Variants in IKZF2 observed in about 807,000 individuals in gnomAD.
IKZF2 encodes zinc finger protein Helios.
In IKZF2, 15 loss-of-function variants were observed where a neutral mutation model predicts 49.2. The observed-to-expected ratio is 0.30, with a 90% confidence interval of 0.20 to 0.47. The LOEUF is 0.47. Ranked by LOEUF, IKZF2 falls within the 20% of genes least tolerant of loss-of-function variation. IKZF2 has a pLI of 1.00. For synonymous variants in IKZF2, 227 were observed against 221.4 expected (o/e 1.03, Z -0.23); for missense variants, 567 against 664.6 (o/e 0.85, Z 1.61).
intron 4 of IKZF2, among the ~76,000 whole-genome samples, chr2:213,086,480 G>A (rs1336250445): frequency 2.6e-5 from 4 of 152,196 alleles, no homozygotes; most frequent in African/African-American, 9.7e-5. Context: ...AATGTGTGTG[G>A]CTGAAGGGAA....
intron 8 of IKZF2, among the ~76,000 whole-genome samples, chr2:213,009,934 T>C (rs554644454): frequency 6.6e-6 from 1 of 152,226 alleles, no homozygotes; most frequent in African/African-American, 2.4e-5. Flanking sequence ...TCAATAAGGC[T>C]GAGAGTAGAA....
chr2:213,083,958 G>A (rs549598773), intron 4 of IKZF2, among the ~76,000 whole-genome samples: 6 of 152,058 alleles, frequency 3.9e-5, no homozygotes, highest in South Asian at 2.1e-4. Context: ...GAATCATCCC[G>A]AAACCATCCC....
chr2:213,150,677 G>C (rs1467916618), intron 1 of IKZF2, among the ~76,000 whole-genome samples: 1 of 112,514 alleles, frequency 8.9e-6, no homozygotes, highest in African/African-American at 3.5e-5. Context: ...TCGACCAAAA[G>C]CTAAGACAAG....
intron 2 of IKZF2, among the ~76,000 whole-genome samples, 198 bp downstream of exon 2, chr2:213,149,946 A>G (rs377329412): frequency 3.9e-5 from 6 of 152,320 alleles, no homozygotes; most frequent in African/African-American, 9.6e-5. Context: ...AAAGTTTAAA[A>G]GAGGAGCAGT....
At chr2:213,045,740 A>G (rs1202798184) in intron 6 of IKZF2, among the ~76,000 whole-genome samples, 2 of 152,168 alleles carry the variant, frequency 1.3e-5, no homozygotes, top group African/African-American at 4.8e-5. Flanking sequence ...ATTGTAAGTG[A>G]GAAATTGCTG....
intron 6 of IKZF2, among the ~76,000 whole-genome samples, chr2:213,022,752 T>C (rs1289256157): frequency 6.6e-6 from 1 of 152,150 alleles, no homozygotes; most frequent in African/African-American, 2.4e-5. Context: ...GCTTTTATAA[T>C]ACCAAGAATT....
chr2:213,128,376 A>T (rs1018041517), intron 4 of IKZF2, among the ~76,000 whole-genome samples: 2 of 152,174 alleles, frequency 1.3e-5, no homozygotes, highest in African/African-American at 4.8e-5. Context: ...CAGCTGAAGG[A>T]ACTAAATTTA....
chr2:213,065,379 T>C (rs1156601133), intron 4 of IKZF2, among the ~76,000 whole-genome samples: 1 of 152,094 alleles, frequency 6.6e-6, no homozygotes, highest in Non-Finnish European at 1.5e-5. Context: ...TTCATAGTTG[T>C]AAAATCATTC....
At chr2:213,095,927 GA>G (rs997554226) in intron 4 of IKZF2, among the ~76,000 whole-genome samples, 10 of 151,130 alleles carry the variant, frequency 6.6e-5, no homozygotes, top group African/African-American at 2.2e-4. Flanking sequence ...ATGACTTGGA[GA>G]AAAAAAAATT....
chr2:213,121,473 T>C (rs1243759204), intron 4 of IKZF2, among the ~76,000 whole-genome samples: 1 of 152,232 alleles, frequency 6.6e-6, no homozygotes, highest in Non-Finnish European at 1.5e-5. Flanking sequence ...CATTCAGTAG[T>C]AATTCAATGT....
intron 4 of IKZF2, among the ~76,000 whole-genome samples, chr2:213,094,919 T>C (rs191585379): frequency 6.6e-6 from 1 of 152,176 alleles, no homozygotes; most frequent in Non-Finnish European, 1.5e-5. Context: ...AAGAACCATA[T>C]AGGGGAGAGT....
chr2:213,118,198 A>G (rs2059937478), intron 4 of IKZF2, among the ~76,000 whole-genome samples: 1 of 152,240 alleles, frequency 6.6e-6, no homozygotes, highest in East Asian at 1.9e-4. Flanking sequence ...ATATTTTTGC[A>G]AAATATATTT....
intron 7 of IKZF2, chr2:213,015,411 T>A (rs1350153970): frequency 6.6e-6 from 1 of 152,110 alleles, no homozygotes. Context: ...TCATTAATGA[T>A]GTTATCACAT....
At chr2:213,090,829 C>T (rs1031862984) in intron 4 of IKZF2, among the ~76,000 whole-genome samples, 1 of 151,392 alleles carries the variant, frequency 6.6e-6, no homozygotes, top group Non-Finnish European at 1.5e-5. Context: ...AGCAGATTCT[C>T]CCTCACAGCC....
intron 4 of IKZF2, among the ~76,000 whole-genome samples, chr2:213,109,006 T>C (rs1417512378): frequency 6.6e-6 from 1 of 151,346 alleles, no homozygotes; most frequent in Non-Finnish European, 1.5e-5. Flanking sequence ...TTTTAATGTA[T>C]GTATTTCAAA....
Position 213,036,369 on chromosome 2 carries a change from T to C in IKZF2, c.574+13344A>G, listed in dbSNP as rs142693426. On this transcript the variant is annotated intron_variant, in intron 6 of 8. Transcript: ENST00000434687. ...TATCTGCAAAATAAGGCCCTTAACATAATGCTTGTCACAAAATAAGAACTT... is the reference window on the plus strand; with the variant it reads ...TATCTGCAAAATAAGGCCCTTAACACAATGCTTGTCACAAAATAAGAACTT... 5.6e-4 allele frequency among the ~76,000 whole-genome samples: 85 copies of C among 152,308 alleles called. 2 individuals are homozygous for C. The East Asian group carries it at 0.016, about 29-fold the overall frequency.
At chr2:213,014,807 C>G (rs1022181566) in intron 7 of IKZF2, 3 of 151,954 alleles carry the variant, frequency 2.0e-5, no homozygotes, top group African/African-American at 7.2e-5. Flanking sequence ...ACAACTCAGA[C>G]AAGGCGAATC....
intron 4 of IKZF2, among the ~76,000 whole-genome samples, chr2:213,138,918 A>G (rs2060772790): frequency 6.6e-6 from 1 of 151,968 alleles, no homozygotes; most frequent in South Asian, 2.1e-4. Flanking sequence ...CCTAGGTGGT[A>G]GTGCTATTTT....
intron 4 of IKZF2, among the ~76,000 whole-genome samples, chr2:213,112,178 T>G (rs2059724729): frequency 6.6e-6 from 1 of 151,904 alleles, no homozygotes; most frequent in African/African-American, 2.4e-5. Context: ...GGAAATTATA[T>G]GCTCAGCAGA....
Sources: allele counts gnomAD v4.1 joint callset (sites outside exome capture counted in the v4.1 genomes callset), GRCh38; gene constraint gnomAD v4.1.1; transcripts MANE v1.5; gene names NCBI Gene and HGNC (gene_info 2026-07-23, HGNC 2026-07-21).